The following VWA8 variants were observed in gnomAD, a reference collection of about 807,000 sequenced individuals.
VWA8 encodes the protein von Willebrand factor A domain-containing protein 8.
A neutral mutation model predicts 241.5 loss-of-function variants in VWA8; 221 were observed. The ratio of observed to expected loss-of-function variants is 0.91; its 90% CI spans 0.82 to 1.02. The LOEUF (loss-of-function observed/expected upper bound fraction) is 1.02, where lower values mean the gene tolerates loss of function less well. VWA8 is among the 50% of genes least tolerant of loss of function. The pLI is 0.00. For synonymous variants in VWA8, 852 were observed against 827.1 expected (o/e 1.03, Z -0.52); for missense variants, 2,322 against 2,328.7 (o/e 1.00, Z 0.06).
In VWA8 at chr13:41,691,944, GACAA is replaced by G; in HGVS notation, c.3676-10_3676-7del. On this transcript the variant is annotated splice_polypyrimidine_tract_variant and splice_region_variant and intron_variant, in intron 30 of 44. Transcript: ENST00000379310. ...TTACACATTTTATAAGTTTCCTAAAGACAAACAAAACAAGATATTCATATTAAAT... is the reference window on the plus strand; with the variant it reads ...TTACACATTTTATAAGTTTCCTAAAGACAAAACAAGATATTCATATTAAAT... 2 of 1,593,876 alleles carry G rather than the reference GACAA, an allele frequency of 1.3e-6. No individual in the cohort carries two copies. Among genetic ancestry groups the G allele is most frequent in the Non-Finnish European group, 8.6e-7 (1 of 1,162,678 alleles).
intron 9 of VWA8, among the ~76,000 whole-genome samples, chr13:41,873,134 C>G (rs193182867): frequency 1.3e-5 from 2 of 151,838 alleles, no homozygotes; most frequent in African/African-American, 4.8e-5. Context: ...TTGAAACCAA[C>G]GAGAACAAAG....
intron 13 of VWA8, among the ~76,000 whole-genome samples, chr13:41,831,602 C>T (rs1163420885): frequency 6.8e-6 from 1 of 146,734 alleles, no homozygotes; most frequent in East Asian, 2.0e-4. Context: ...GATGGTGAAG[C>T]CCAGGCATGA....
chr13:41,672,363 C>T (rs1487185474), intron 36 of VWA8, among the ~76,000 whole-genome samples: 3 of 152,096 alleles, frequency 2.0e-5, no homozygotes, highest in African/African-American at 7.2e-5. Flanking sequence ...GAGTCAACTG[C>T]ATATCTCCTT....
intron 37 of VWA8, among the ~76,000 whole-genome samples, chr13:41,650,181 A>G (rs1403282229): frequency 1.3e-5 from 2 of 152,226 alleles, no homozygotes; most frequent in African/African-American, 4.8e-5. Context: ...AAATAATAAT[A>G]TTGTATACTT....
At chr13:41,910,571 G>A (rs1158318760) in intron 3 of VWA8, among the ~76,000 whole-genome samples, 1 of 151,218 alleles carries the variant, frequency 6.6e-6, no homozygotes, top group East Asian at 1.9e-4. Flanking sequence ...GCGACAAAGT[G>A]GGACTCCATC....
intron 39 of VWA8, among the ~76,000 whole-genome samples, chr13:41,610,618 C>T (rs1024641352): frequency 1.3e-5 from 2 of 152,200 alleles, no homozygotes; most frequent in Non-Finnish European, 2.9e-5. Flanking sequence ...AATGTAATAC[C>T]AGATGTTCTA....
At chr13:41,572,517 C>T (rs1417811399) in intron 43 of VWA8, among the ~76,000 whole-genome samples, 1 of 152,162 alleles carries the variant, frequency 6.6e-6, no homozygotes, top group Non-Finnish European at 1.5e-5. Context: ...ATCTCTGAAA[C>T]ATGTGCTGTG....
At position 41,816,762 on chromosome 13, in the gene VWA8, G is replaced by A; in HGVS notation, c.1883C>T (p.Pro628Leu). ...QVIKEKVPNV[P>L]QEALDKLLSF... ...TAATAACTTATCCAGAGCTTCCTGA[G>A]GTACATTTGGGACCTATTTTTTGAA... is the stretch of plus-strand genomic sequence containing the variant. The change falls in exon 16 of 45, where the codon CCT (proline) becomes CTT (leucine). Residue 628 changes from proline to leucine, a missense_variant. By Grantham distance (98) the Pro-to-Leu change is moderately conservative (BLOSUM62 -3). Coordinates refer to ENST00000379310, the MANE Select transcript of VWA8 (RefSeq NM_015058.2). 6.2e-6 allele frequency: 10 copies of A among 1,613,038 alleles called. No individual in the cohort carries two copies. Among genetic ancestry groups the A allele is most frequent in the African/African-American group, 1.3e-5 (1 of 74,966 alleles).
chr13:41,653,205 A>G (rs2044880211), intron 37 of VWA8, among the ~76,000 whole-genome samples: 1 of 152,212 alleles, frequency 6.6e-6, no homozygotes, highest in South Asian at 2.1e-4. Context: ...TGTTCACAAT[A>G]AAACTGCCTG....
chr13:41,829,077 C>G (rs2137997316), intron 14 of VWA8, among the ~76,000 whole-genome samples: 1 of 152,096 alleles, frequency 6.6e-6, no homozygotes, highest in South Asian at 2.1e-4. Context: ...AATATGAGAT[C>G]AAAACTGAAT....
intron 43 of VWA8, among the ~76,000 whole-genome samples, chr13:41,573,279 A>G (rs1436739747): frequency 3.3e-5 from 5 of 150,324 alleles, no homozygotes; most frequent in Admixed American, 3.3e-4. Context: ...TTGGCCGGGC[A>G]TGGTGGTGCG....
chr13:41,736,490 T>C (rs557558001), intron 21 of VWA8, among the ~76,000 whole-genome samples: 6 of 152,292 alleles, frequency 3.9e-5, no homozygotes, highest in South Asian at 2.1e-4. Flanking sequence ...TTCTGAAATA[T>C]TGCTTATAAA....
At chr13:41,837,967 A>T (rs1274249023) in intron 12 of VWA8, among the ~76,000 whole-genome samples, 1 of 152,154 alleles carries the variant, frequency 6.6e-6, no homozygotes, top group Admixed American at 6.5e-5. Flanking sequence ...CCACTGTCTA[A>T]CCTTGAACAC....
chr13:41,571,201 T>C (rs2044299012), intron 43 of VWA8, among the ~76,000 whole-genome samples: 1 of 152,112 alleles, frequency 6.6e-6, no homozygotes, highest in South Asian at 2.1e-4. Context: ...CACATAAAAT[T>C]GGGGACAGGG....
intron 26 of VWA8, among the ~76,000 whole-genome samples, chr13:41,704,049 C>T (rs965397752): frequency 6.6e-6 from 1 of 152,112 alleles, no homozygotes; most frequent in African/African-American, 2.4e-5. Flanking sequence ...CATGAGCCAC[C>T]GTGCCCAGAC....
intron 13 of VWA8, among the ~76,000 whole-genome samples, chr13:41,832,127 C>T (rs1258715059): frequency 6.6e-6 from 1 of 152,072 alleles, no homozygotes; most frequent in Non-Finnish European, 1.5e-5. Context: ...GAAAAGGTTT[C>T]ACCATCTTAG....
intron 35 of VWA8, 87 bp downstream of exon 35, chr13:41,684,960 T>C: frequency 5.1e-6 from 6 of 1,170,982 alleles, no homozygotes; most frequent in Non-Finnish European, 7.3e-6. Flanking sequence ...AAGTATGAAA[T>C]GATAAAGATA....
At chr13:41,574,199 A>AAAG (rs141086994) in intron 43 of VWA8, among the ~76,000 whole-genome samples, 2,445 of 150,326 alleles carry the variant, frequency 0.016, 75 homozygotes, top group African/African-American at 0.056. Flanking sequence ...AGAAAACCCT[A>AAAG]AAGTCTGATA....
At chr13:41,819,962 C>G (rs187214258) in intron 14 of VWA8, among the ~76,000 whole-genome samples, 93 of 152,226 alleles carry the variant, frequency 6.1e-4, no homozygotes, top group Admixed American at 1.3e-3. Flanking sequence ...ATTCTTTGGT[C>G]ATTCTTATAG....
Sources: gnomAD v4.1 joint callset for allele counts (sites outside exome capture counted in the v4.1 genomes callset) on GRCh38, gnomAD v4.1.1 for gene constraint, MANE v1.5 for transcripts, NCBI Gene and HGNC (gene_info 2026-07-23, HGNC 2026-07-21) for gene names.